The following UBE2Q2 variants were observed in gnomAD, a reference collection of about 807,000 sequenced individuals.
UBE2Q2 encodes the protein ubiquitin conjugating enzyme E2 Q2.
In UBE2Q2, 54 loss-of-function variants were observed where a neutral mutation model predicts 59.9. The ratio of observed to expected loss-of-function variants is 0.90; its 90% CI spans 0.72 to 1.13. The LOEUF (loss-of-function observed/expected upper bound fraction) is 1.13. UBE2Q2 is among the 50% of genes most tolerant of loss of function. The pLI, the probability that UBE2Q2 is intolerant of heterozygous loss-of-function variation, is 0.00. For missense variants in UBE2Q2, 433 were observed against 441.9 expected (o/e 0.98, Z 0.18); for synonymous variants, 165 against 155.2 (o/e 1.06, Z -0.47).
intron 8 of UBE2Q2, among the ~76,000 whole-genome samples, chr15:75,880,345 T>G (rs1383203269): frequency 1.3e-5 from 2 of 152,136 alleles, no homozygotes; most frequent in African/African-American, 2.4e-5. Context: ...ATTCCTAACC[T>G]CAGGTGATCT....
intron 2 of UBE2Q2, among the ~76,000 whole-genome samples, chr15:75,858,294 A>T (rs746217617): frequency 6.6e-6 from 1 of 152,278 alleles, no homozygotes; most frequent in Non-Finnish European, 1.5e-5. Flanking sequence ...AGTGCCATGG[A>T]TATTCAAAAT....
chr15:75,854,258 A>G, intron 1 of UBE2Q2, 128 bp from the exon 2 acceptor site: 1 of 599,182 alleles, frequency 1.7e-6, no homozygotes, highest in East Asian at 3.1e-5. Context: ...GGTTTTTAAT[A>G]TGTTGCCTTT....
chr15:75,861,926 A>G (rs756309192), intron 3 of UBE2Q2, among the ~76,000 whole-genome samples: 14 of 152,176 alleles, frequency 9.2e-5, no homozygotes, highest in Non-Finnish European at 8.8e-5. Context: ...GTCTGAGACG[A>G]CTTCTTCACC....
chr15:75,898,843 T>C (rs1336751706), intron 12 of UBE2Q2, among the ~76,000 whole-genome samples: 3 of 152,248 alleles, frequency 2.0e-5, no homozygotes, highest in African/African-American at 7.2e-5. Flanking sequence ...CAGTCATCTT[T>C]AGCTAGAGAT....
At chr15:75,851,214 C>G (rs1445307656) in intron 1 of UBE2Q2, among the ~76,000 whole-genome samples, 1 of 151,556 alleles carries the variant, frequency 6.6e-6, no homozygotes, top group Admixed American at 6.6e-5. Flanking sequence ...TCACTGCACC[C>G]TCAGTCTCCT....
At chr15:75,850,287 T>G (rs907637894) in intron 1 of UBE2Q2, among the ~76,000 whole-genome samples, 3 of 152,224 alleles carry the variant, frequency 2.0e-5, no homozygotes, top group African/African-American at 7.2e-5. Flanking sequence ...TTTTGTATCT[T>G]TCCAGTTATC....
intron 3 of UBE2Q2, among the ~76,000 whole-genome samples, chr15:75,868,145 C>G (rs1316125537): frequency 6.6e-6 from 1 of 152,098 alleles, no homozygotes; most frequent in Non-Finnish European, 1.5e-5. Context: ...ACTGCCGAGA[C>G]CTTTGTTGGT....
At chr15:75,897,748 GC>G (rs2141684859) in intron 12 of UBE2Q2, among the ~76,000 whole-genome samples, 1 of 151,998 alleles carries the variant, frequency 6.6e-6, no homozygotes, top group African/African-American at 2.4e-5. Context: ...ATAGTGGACT[GC>G]AGCCTCAAGT....
At chr15:75,896,614 G>GT (rs933505491) in intron 11 of UBE2Q2, among the ~76,000 whole-genome samples, 43 of 152,086 alleles carry the variant, frequency 2.8e-4, no homozygotes, top group African/African-American at 8.2e-4. Flanking sequence ...ATATTTTGTA[G>GT]TTTTTTTAAA....
chr15:75,888,706 A>C (rs1898926479), intron 9 of UBE2Q2, among the ~76,000 whole-genome samples: 1 of 152,192 alleles, frequency 6.6e-6, no homozygotes, highest in South Asian at 2.1e-4. Context: ...ATTAAGGAAA[A>C]GTTTAGTTAT....
chr15:75,868,851 A>G, intron 3 of UBE2Q2, 100 bp from the exon 4 acceptor site: 1 of 945,404 alleles, frequency 1.1e-6, no homozygotes, highest in Non-Finnish European at 1.7e-6. Context: ...GTGGGACTCC[A>G]GTGACAGATG....
intron 8 of UBE2Q2, 118 bp from the exon 9 acceptor site, chr15:75,883,248 T>A: frequency 1.1e-6 from 1 of 947,394 alleles, no homozygotes. Flanking sequence ...TTTATGACTC[T>A]TACCCATTAT....
chr15:75,883,450 GAAATTTTTTTCAGTTAA>G (rs1387689881), intron 9 of UBE2Q2, 26 bp downstream of exon 9: 7 of 1,592,620 alleles, frequency 4.4e-6, no homozygotes, highest in Non-Finnish European at 6.0e-6. Flanking sequence ...TACTTAAAAA[GAAATTTTTTTCAGTTAA>G]AAAAAATTTT....
intron 2 of UBE2Q2, among the ~76,000 whole-genome samples, chr15:75,858,057 GAT>G (rs1270159453): frequency 6.6e-6 from 1 of 152,116 alleles, no homozygotes; most frequent in Non-Finnish European, 1.5e-5. Context: ...ACTTCCATCT[GAT>G]TACTGTCTTG....
chr15:75,879,221 C>G (rs1338824510), intron 8 of UBE2Q2, 33 bp downstream of exon 8: 1 of 1,270,326 alleles, frequency 7.9e-7, no homozygotes, highest in Non-Finnish European at 1.1e-6. Context: ...CCATATACTT[C>G]CAGTGGGGTG....
rs749315015 is a variant in UBE2Q2 at position 75,897,072 on chromosome 15, T to C, written c.1096+11T>C. 3 of 1,510,248 alleles carry C rather than the reference T, an allele frequency of 2.0e-6. No homozygotes were observed. In the South Asian group the frequency reaches 3.8e-5, roughly 19 times the overall value. 93.6% of individuals were successfully genotyped at this position (1,510,248 alleles called of 1,614,324 possible). On this transcript the variant is annotated intron_variant, in intron 12 of 12. Coordinates refer to ENST00000267938, the MANE Select transcript of UBE2Q2 (RefSeq NM_173469.4). Reference sequence around the variant, plus strand: ...TACATGAGAAAAATGGTATGTTTAATTCAATAAGTGTTTATTGCCATTTAA... The same window carrying C: ...TACATGAGAAAAATGGTATGTTTAACTCAATAAGTGTTTATTGCCATTTAA...
intron 3 of UBE2Q2, among the ~76,000 whole-genome samples, chr15:75,865,643 A>G (rs764412484): frequency 2.1e-4 from 32 of 152,184 alleles, no homozygotes; most frequent in East Asian, 1.9e-4. Context: ...TAGTGCATCA[A>G]TATGGTCAGA....
At chr15:75,848,635 T>A (rs1896481075) in intron 1 of UBE2Q2, among the ~76,000 whole-genome samples, 1 of 152,164 alleles carries the variant, frequency 6.6e-6, no homozygotes, top group African/African-American at 2.4e-5. Flanking sequence ...TTCCCTTTTG[T>A]GAATAGTATA....
intron 11 of UBE2Q2, among the ~76,000 whole-genome samples, chr15:75,896,567 T>C (rs1899434418): frequency 1.3e-5 from 2 of 152,238 alleles, no homozygotes; most frequent in South Asian, 4.1e-4. Flanking sequence ...TTCATATGTA[T>C]AGTTGTGGAA....
Sources: allele counts gnomAD v4.1 joint callset (sites outside exome capture counted in the v4.1 genomes callset), GRCh38; gene constraint gnomAD v4.1.1; transcripts MANE v1.5; gene names NCBI Gene and HGNC (gene_info 2026-07-23, HGNC 2026-07-21).